AVL9: variants seen among roughly 807,000 people sequenced by gnomAD.
AVL9 encodes the protein AVL9 cell migration associated, also known as late secretory pathway protein AVL9 homolog.
AVL9 carries 49 observed loss-of-function variants against 79.2 expected under a neutral mutation model. The observed-to-expected ratio is 0.62, with a 90% confidence interval of 0.49 to 0.79. AVL9 has a LOEUF of 0.79. Among genes scored for constraint, AVL9 ranks in the 30% least tolerant of loss-of-function variants. AVL9 has a pLI of 0.00. For missense variants in AVL9, 682 were observed against 776.8 expected, an observed-to-expected ratio of 0.88 and a Z score of 1.45; for synonymous variants, 299 against 280.6, an observed-to-expected ratio of 1.07 and a Z score of -0.65.
At chr7:32,508,507 CCTA>C (rs1787512518) in intron 1 of AVL9, among the ~76,000 whole-genome samples, 1 of 152,124 alleles carries the variant, frequency 6.6e-6, no homozygotes, top group African/African-American at 2.4e-5. Flanking sequence ...ATTGTTTTTT[CCTA>C]CTAAGTAATT....
At chr7:32,566,099 T>C (rs1238000891) in intron 10 of AVL9, among the ~76,000 whole-genome samples, 4 of 148,668 alleles carry the variant, frequency 2.7e-5, no homozygotes, top group Non-Finnish European at 5.9e-5. Context: ...GTCATGTCAA[T>C]GCACTCCAGC....
chr7:32,527,146 C>T (rs937707430), intron 1 of AVL9, among the ~76,000 whole-genome samples: 1 of 152,052 alleles, frequency 6.6e-6, no homozygotes, highest in Admixed American at 6.6e-5. Flanking sequence ...ACAAAGATGC[C>T]GAAACAGCTG....
At chr7:32,547,959 T>C (rs1407977570) in intron 3 of AVL9, among the ~76,000 whole-genome samples, 4 of 152,148 alleles carry the variant, frequency 2.6e-5, no homozygotes, top group Non-Finnish European at 5.9e-5. Flanking sequence ...AGATTTGCTC[T>C]CTACTAGAAG....
In AVL9 at chr7:32,584,053, C is replaced by T. The variant is rs1266732913; in HGVS notation, c.*146C>T. 6 of 711,958 alleles carry T rather than the reference C, an allele frequency of 8.4e-6. No homozygotes were observed. Among genetic ancestry groups the T allele is most frequent in the East Asian group, 2.7e-5 (1 of 36,706 alleles). The allele number at this position is 711,958 out of a possible 1,614,324, so 44.1% of individuals were successfully genotyped here. A position where few individuals can be genotyped will look rare whatever the true frequency, so the allele number is the denominator to read the frequency against. The stretch of plus-strand genomic sequence containing the variant: ...TGGATGTTGCTCTAAGTGAATGTTT[C>T]GGGATGCCGAAATGATGAAATCACA... On this transcript the variant is annotated 3_prime_UTR_variant, in exon 16 of 16. Coordinates refer to ENST00000318709, the MANE Select transcript of AVL9 (RefSeq NM_015060.3).
At chr7:32,523,351 T>C (rs1369463032) in intron 1 of AVL9, among the ~76,000 whole-genome samples, 1 of 151,560 alleles carries the variant, frequency 6.6e-6, no homozygotes, top group Non-Finnish European at 1.5e-5. Flanking sequence ...AAGATGAAAA[T>C]TGATAAAAAT....
At chr7:32,509,675 C>G (rs1787568914) in intron 1 of AVL9, among the ~76,000 whole-genome samples, 1 of 152,000 alleles carries the variant, frequency 6.6e-6, no homozygotes, top group South Asian at 2.1e-4. Flanking sequence ...CATAATGAAA[C>G]CCCATCTCTA....
intron 1 of AVL9, among the ~76,000 whole-genome samples, chr7:32,517,308 T>A (rs2128121569): frequency 6.6e-6 from 1 of 151,262 alleles, no homozygotes; most frequent in East Asian, 1.9e-4. Context: ...TTTTTCTTTT[T>A]CTTTTTTTTT....
At chr7:32,524,611 A>G (rs1225209633) in intron 1 of AVL9, among the ~76,000 whole-genome samples, 2 of 108,684 alleles carry the variant, frequency 1.8e-5, no homozygotes, top group Non-Finnish European at 4.5e-5. Context: ...TCCCCTATCT[A>G]GTGCTATAAA....
chr7:32,582,931 G>C (rs114515128), intron 15 of AVL9, among the ~76,000 whole-genome samples: 1 of 152,112 alleles, frequency 6.6e-6, no homozygotes, highest in African/African-American at 2.4e-5. Flanking sequence ...CTAACCACCC[G>C]TCTCGGCTTC....
chr7:32,548,565 G>T (rs898727111), intron 3 of AVL9, among the ~76,000 whole-genome samples: 21 of 149,406 alleles, frequency 1.4e-4, no homozygotes, highest in African/African-American at 4.7e-4. Context: ...ATTTGGGCCT[G>T]GTGACTTATA....
chr7:32,544,735 G>A lies in AVL9; in HGVS notation c.256G>A (p.Ala86Thr). ...FHLPPRNGNGATVFGISCYRQ... is the reference protein window; with the variant it reads ...FHLPPRNGNGTTVFGISCYRQ... ...CTTGCCACCCAGAAATGGAAATGGA[G>A]CCACAGTATTTGGTATCTCTTGCTA... The change falls in exon 3 of 16, where the codon GCC becomes ACC. Residue 86 changes from alanine to threonine, a missense_variant. Ala to Thr is a moderately conservative substitution (Grantham distance 58). Coordinates refer to ENST00000318709, the MANE Select transcript of AVL9 (RefSeq NM_015060.3). 6.2e-7 allele frequency: 1 copy of A among 1,613,858 alleles called. No homozygotes were observed. Among genetic ancestry groups the A allele is most frequent in the Non-Finnish European group, 8.5e-7 (1 of 1,179,886 alleles).
chr7:32,502,578 A>AGGT (rs1276397118), intron 1 of AVL9, among the ~76,000 whole-genome samples: 1 of 152,198 alleles, frequency 6.6e-6, no homozygotes, highest in Non-Finnish European at 1.5e-5. Context: ...TTAGATACTT[A>AGGT]GGTGGCATTC....
chr7:32,544,323 A>G (rs185702442), intron 2 of AVL9, among the ~76,000 whole-genome samples: 107 of 152,262 alleles, frequency 7.0e-4, no homozygotes, highest in African/African-American at 2.2e-3. Flanking sequence ...TCTGTGTTCA[A>G]ATTTTCTCAG....
intron 13 of AVL9, among the ~76,000 whole-genome samples, chr7:32,579,339 CACATATTTTATATAAT>C (rs144889720): frequency 0.21 from 1,781 of 8,304 alleles, 59 homozygotes; most frequent in Non-Finnish European, 0.34. Context: ...ATATATATAA[CACATATTTTATATAAT>C]ATATAACATA....
chr7:32,570,545 G>A (rs750394512), intron 11 of AVL9, among the ~76,000 whole-genome samples: 3 of 152,040 alleles, frequency 2.0e-5, no homozygotes, highest in East Asian at 1.9e-4. Flanking sequence ...ATACCAAGAC[G>A]AAAGCTAGGA....
intron 12 of AVL9, 43 bp from the exon 13 acceptor site, chr7:32,575,912 G>T: frequency 2.9e-6 from 4 of 1,364,296 alleles, no homozygotes; most frequent in African/African-American, 2.9e-5. Flanking sequence ...ATCCCTGAAT[G>T]GCTACAGCCC....
intron 1 of AVL9, among the ~76,000 whole-genome samples, chr7:32,499,371 A>G (rs1373470730): frequency 6.8e-6 from 1 of 146,444 alleles, no homozygotes; most frequent in East Asian, 2.0e-4. Flanking sequence ...TTTTTTTTTC[A>G]TAAACAGGTT....
intron 5 of AVL9, 127 bp from the exon 6 acceptor site, chr7:32,552,102 T>G (rs991494866): frequency 6.4e-6 from 4 of 620,356 alleles, no homozygotes; most frequent in Middle Eastern, 4.4e-4. Context: ...GCTTGATTGT[T>G]TTTAAATTTA....
intron 13 of AVL9, among the ~76,000 whole-genome samples, chr7:32,578,991 A>G (rs1791224385): frequency 6.6e-6 from 1 of 152,054 alleles, no homozygotes; most frequent in Admixed American, 6.6e-5. Flanking sequence ...CCAGGAACAC[A>G]GAGAATGATC....
Sources: allele counts gnomAD v4.1 joint callset (sites outside exome capture counted in the v4.1 genomes callset), GRCh38; gene constraint gnomAD v4.1.1; transcripts MANE v1.5; gene names NCBI Gene and HGNC (gene_info 2026-07-23, HGNC 2026-07-21).